Variants in TBC1D30 observed in about 807,000 individuals in gnomAD.
The protein encoded by TBC1D30 is TBC1 domain family member 30.
TBC1D30 carries 31 observed loss-of-function variants against 63.2 expected under a neutral mutation model. That is an observed-to-expected ratio of 0.49 (90% CI 0.37 to 0.66). The LOEUF (loss-of-function observed/expected upper bound fraction) is 0.66. Among genes scored for constraint, TBC1D30 ranks in the 30% least tolerant of loss-of-function variants. The pLI, the probability that TBC1D30 is intolerant of heterozygous loss-of-function variation, is 0.00. For synonymous variants in TBC1D30, 307 were observed against 361.5 expected (o/e 0.85, Z 1.71); for missense variants, 810 against 953.6 (o/e 0.85, Z 1.98).
At chr12:64,816,855 G>A (rs1413922796) in intron 2 of TBC1D30, among the ~76,000 whole-genome samples, 4 of 142,746 alleles carry the variant, frequency 2.8e-5, no homozygotes, top group Non-Finnish European at 6.1e-5. Flanking sequence ...CTATCAGGGT[G>A]TTGCTCTGTC....
chr12:64,804,802 T>C (rs1872769328), intron 2 of TBC1D30, among the ~76,000 whole-genome samples: 1 of 152,164 alleles, frequency 6.6e-6, no homozygotes, highest in Non-Finnish European at 1.5e-5. Context: ...CTAATTCTCC[T>C]AAAATCACCC....
rs117963027 is a variant in TBC1D30, at chr12:64,837,776, C to T, written c.764-907C>T. Among the ~76,000 whole-genome samples the T allele has an allele frequency of 6.3e-3, 949 of 151,700 alleles. 7 individuals are homozygous for T. Among genetic ancestry groups the T allele is most frequent in the Middle Eastern group, 0.014 (4 of 294 alleles). On this transcript the variant is annotated intron_variant, in intron 6 of 11. Transcript: ENST00000539867. The stretch of plus-strand genomic sequence containing the variant: ...AACTGTGTAGATTTTATAATGCTTC[C>T]GGATAGGCCAATCTTCCCTGTCCCC...
In TBC1D30 at chr12:64,870,661, A is replaced by G; in HGVS notation, c.1351A>G (p.Ile451Val). The G allele has an allele frequency of 2.0e-6, 3 of 1,536,202 alleles. No individual in the cohort carries two copies. The highest frequency in any genetic ancestry group is 2.6e-6 in the Non-Finnish European group (3 of 1,146,904). The change falls in exon 11 of 12, where the codon ATC becomes GTC. Residue 451 changes from isoleucine to valine, a missense_variant. This residue lies in a region of TBC1D30 where 450 missense variants were observed against 473.0 expected (regional missense o/e 0.95). Coordinates refer to ENST00000539867, the MANE Select transcript of TBC1D30 (RefSeq NM_015279.2). ...CATTGCAGAGCTGAGTCCAGGAGCA[A>G]TCAATTCCTGTCGAAGTGAATACCA... ...NNIAELSPGA[I>V]NSCRSEYHAA...
chr12:64,870,902 T>C, intron 11 of TBC1D30, 94 bp downstream of exon 11: 1 of 1,204,944 alleles, frequency 8.3e-7, no homozygotes, highest in Non-Finnish European at 1.2e-6. Context: ...AATTACTAAC[T>C]GTAGCTCAGT....
chr12:64,763,750 A>T (rs950186617), intron 1 of TBC1D30, among the ~76,000 whole-genome samples: 1 of 152,026 alleles, frequency 6.6e-6, no homozygotes, highest in Admixed American at 6.6e-5. Flanking sequence ...CTGGGATTAC[A>T]GGTGTACACC....
intron 7 of TBC1D30, among the ~76,000 whole-genome samples, chr12:64,840,879 T>C (rs1301608856): frequency 6.6e-6 from 1 of 152,226 alleles, no homozygotes; most frequent in African/African-American, 2.4e-5. Flanking sequence ...AGCATGCAGC[T>C]TGTTAAGGGA....
chr12:64,796,879 T>C (rs1013504466), intron 2 of TBC1D30, among the ~76,000 whole-genome samples: 14 of 151,956 alleles, frequency 9.2e-5, no homozygotes, highest in Admixed American at 2.0e-4. Flanking sequence ...AAATACTTTT[T>C]CCCCCAAAAG....
At chr12:64,854,853 T>C (rs1359498585) in intron 8 of TBC1D30, among the ~76,000 whole-genome samples, 1 of 152,184 alleles carries the variant, frequency 6.6e-6, no homozygotes, top group Non-Finnish European at 1.5e-5. Flanking sequence ...TACAGTGTTA[T>C]CCTAAATTTG....
chr12:64,801,620 T>C (rs958621089), intron 2 of TBC1D30, among the ~76,000 whole-genome samples: 1 of 152,210 alleles, frequency 6.6e-6, no homozygotes, highest in Non-Finnish European at 1.5e-5. Flanking sequence ...CACTAGTGTA[T>C]GTGGGCTGCC....
intron 8 of TBC1D30, among the ~76,000 whole-genome samples, chr12:64,861,936 CA>C (rs1877828854): frequency 6.6e-6 from 1 of 152,028 alleles, no homozygotes; most frequent in African/African-American, 2.4e-5. Context: ...GATACTTGTT[CA>C]ATACAAGGAT....
chr12:64,770,053 G>A (rs868114306), intron 1 of TBC1D30, among the ~76,000 whole-genome samples: 8 of 152,222 alleles, frequency 5.3e-5, no homozygotes, highest in Middle Eastern at 6.8e-3. Flanking sequence ...TTCTATCACC[G>A]TATCTCTAAT....
At chr12:64,823,680 G>C (rs1483093239), upstream of TBC1D30, among the ~76,000 whole-genome samples, 1 of 152,070 alleles carries the variant, frequency 6.6e-6, no homozygotes, top group Admixed American at 6.6e-5. Context: ...TTAAGAGATG[G>C]GGTCTCGCTA....
intron 5 of TBC1D30, among the ~76,000 whole-genome samples, chr12:64,836,289 A>G (rs957575379): frequency 1.3e-5 from 2 of 152,194 alleles, no homozygotes; most frequent in African/African-American, 4.8e-5. Context: ...GGTCTGAGTT[A>G]CTTAGATGAT....
upstream of TBC1D30, among the ~76,000 whole-genome samples, chr12:64,823,225 G>C (rs1449229142): frequency 6.6e-6 from 1 of 152,086 alleles, no homozygotes; most frequent in Non-Finnish European, 1.5e-5. Flanking sequence ...AAGAATTTAA[G>C]AAATATGAAT....
intron 2 of TBC1D30, among the ~76,000 whole-genome samples, chr12:64,790,283 T>C (rs1253581260): frequency 1.3e-5 from 2 of 152,178 alleles, no homozygotes; most frequent in East Asian, 3.8e-4. Flanking sequence ...TGTAGCTTAG[T>C]GTGCAGGAAA....
chr12:64,772,413 C>A (rs1870939486), intron 1 of TBC1D30, among the ~76,000 whole-genome samples: 2 of 151,852 alleles, frequency 1.3e-5, no homozygotes. Flanking sequence ...AGTGCTGGTA[C>A]AATAGGCACA....
chr12:64,829,617 T>C (rs183689698), intron 3 of TBC1D30, among the ~76,000 whole-genome samples: 1 of 152,192 alleles, frequency 6.6e-6, no homozygotes, highest in Non-Finnish European at 1.5e-5. Flanking sequence ...TTTGGATATA[T>C]GCTTCTGAGG....
chr12:64,786,030 G>A (rs1292796072), exon 2 of TBC1D30: 30 of 1,287,632 alleles, frequency 2.3e-5, no homozygotes. Flanking sequence ...CTTGCAGGCT[G>A]TGTCACAGAA....
chr12:64,872,450 C>A (rs1033363907), intron 11 of TBC1D30, among the ~76,000 whole-genome samples: 1 of 152,158 alleles, frequency 6.6e-6, no homozygotes, highest in Non-Finnish European at 1.5e-5. Flanking sequence ...AGTTTGCTGA[C>A]CCCTTCTTCA....
Sources: gnomAD v4.1 joint callset for allele counts (sites outside exome capture counted in the v4.1 genomes callset) on GRCh38, gnomAD v4.1.1 for gene constraint, gnomAD v4.1.1 regional missense constraint, MANE v1.5 for transcripts, NCBI Gene and HGNC (gene_info 2026-07-23, HGNC 2026-07-21) for gene names.